The following SCAND3 variants were observed in gnomAD, a reference collection of about 807,000 sequenced individuals.
SCAND3 encodes SCAN domain containing 3.
chr6:28,604,066 C>A, the SCAND3 span, among the ~76,000 whole-genome samples: 1 of 152,208 alleles, frequency 6.6e-6, no homozygotes, highest in African/African-American at 2.4e-5. Flanking sequence ...AGTAGCACAG[C>A]ATCACTGCCA....
At chr6:28,572,896 T>A in the SCAND3 span, 23 of 1,613,942 alleles carry the variant, frequency 1.4e-5, no homozygotes, top group Non-Finnish European at 1.7e-5. This position sits in a 1 kb window ranked among gnomAD's most constrained non-coding sequence, Gnocchi z 4.1. Context: ...AATGAAGCAA[T>A]GTGTTGTTTT....
the SCAND3 span, chr6:28,571,804 ATAACTG>A: frequency 1.4e-6 from 2 of 1,408,464 alleles, no homozygotes; most frequent in East Asian, 2.6e-5. Flanking sequence ...TCATACTTCC[ATAACTG>A]TAACTAGACA....
At chr6:28,591,558 C>T in the SCAND3 span, 1 of 152,298 alleles carries the variant, frequency 6.6e-6, no homozygotes, top group South Asian at 2.1e-4. Context: ...ACCTCAAAAT[C>T]CTATCAAGTT....
the SCAND3 span, chr6:28,589,977 C>T: frequency 6.7e-6 from 1 of 149,442 alleles, no homozygotes; most frequent in Non-Finnish European, 1.5e-5. Context: ...CCCTGTACTT[C>T]TTAGTCTCTC....
the SCAND3 span, among the ~76,000 whole-genome samples, chr6:28,596,626 A>T: frequency 7.4e-6 from 1 of 135,084 alleles, no homozygotes; most frequent in Admixed American, 7.2e-5. Flanking sequence ...AAAAATATAT[A>T]TTTTTTTCTC....
the SCAND3 span, among the ~76,000 whole-genome samples, chr6:28,596,893 T>A: frequency 6.6e-6 from 1 of 152,190 alleles, no homozygotes; most frequent in Non-Finnish European, 1.5e-5. Context: ...AAAATTAGGC[T>A]GAAAATACCT....
the SCAND3 span, chr6:28,586,357 C>T: frequency 1.2e-6 from 2 of 1,614,058 alleles, no homozygotes; most frequent in Non-Finnish European, 1.7e-6. This position sits in a 1 kb window ranked among gnomAD's most constrained non-coding sequence, Gnocchi z 4.4. Context: ...ACCACCTCTT[C>T]TCCACTCTCA....
the SCAND3 span, chr6:28,572,940 C>T: frequency 1.9e-6 from 3 of 1,613,854 alleles, no homozygotes; most frequent in Non-Finnish European, 1.7e-6. This position sits in a 1 kb window ranked among gnomAD's most constrained non-coding sequence, Gnocchi z 4.1. Flanking sequence ...TCTGGGTTAC[C>T]ACTTCAGAAT....
chr6:28,609,202 G>T, the SCAND3 span, among the ~76,000 whole-genome samples: 3 of 152,148 alleles, frequency 2.0e-5, no homozygotes, highest in Admixed American at 6.5e-5. Flanking sequence ...TTAACTATTG[G>T]ATAGAATGGG....
At chr6:28,572,816 T>G in the SCAND3 span, 19 of 1,612,748 alleles carry the variant, frequency 1.2e-5, no homozygotes, top group African/African-American at 2.7e-5. The surrounding 1 kb of genome is among the most constrained non-coding windows in gnomAD (Gnocchi z 4.1). Context: ...TAATTCACAA[T>G]TTTTACTATA....
the SCAND3 span, among the ~76,000 whole-genome samples, chr6:28,607,605 T>C: frequency 6.6e-6 from 1 of 152,018 alleles, no homozygotes. Flanking sequence ...ACATATCTTA[T>C]TGATGTCTTT....
chr6:28,610,864 A>AAAATGG, the SCAND3 span, among the ~76,000 whole-genome samples: 1 of 152,224 alleles, frequency 6.6e-6, no homozygotes, highest in South Asian at 2.1e-4. Context: ...ATAGAAGGCA[A>AAAATGG]AAATGGAGAC....
At chr6:28,614,342 AT>A in the SCAND3 span, among the ~76,000 whole-genome samples, 3 of 152,164 alleles carry the variant, frequency 2.0e-5, no homozygotes, top group Non-Finnish European at 2.9e-5. Flanking sequence ...TTACTCTTAC[AT>A]TAGAGGTTAA....
At chr6:28,596,762 C>T in the SCAND3 span, among the ~76,000 whole-genome samples, 1 of 152,096 alleles carries the variant, frequency 6.6e-6, no homozygotes, top group African/African-American at 2.4e-5. Flanking sequence ...TCAGCTTTGT[C>T]ACATCTCTAA....
chr6:28,571,914 A>G, the SCAND3 span: 1 of 1,611,716 alleles, frequency 6.2e-7, no homozygotes, highest in African/African-American at 1.3e-5. Context: ...AAAGCTTTTA[A>G]TGTGATAAGT....
At chr6:28,609,914 A>T in the SCAND3 span, among the ~76,000 whole-genome samples, 1 of 152,200 alleles carries the variant, frequency 6.6e-6, no homozygotes, top group South Asian at 2.1e-4. Flanking sequence ...CTCCTGGACA[A>T]ACTGACCTTC....
the SCAND3 span, among the ~76,000 whole-genome samples, chr6:28,595,330 CAAAAAAAAAAAAAAAA>C: frequency 2.7e-5 from 1 of 37,330 alleles, no homozygotes; most frequent in Non-Finnish European, 5.3e-5. Flanking sequence ...AACCCAGTCT[CAAAAAAAAAAAAAAAA>C]AAAAAAAAAG....
the SCAND3 span, chr6:28,573,699 A>G: frequency 6.2e-7 from 1 of 1,610,444 alleles, no homozygotes; most frequent in Non-Finnish European, 8.5e-7. Flanking sequence ...TGAAACTAGC[A>G]TGAACTCTTT....
chr6:28,585,335 T>C, the SCAND3 span: 8 of 152,078 alleles, frequency 5.3e-5, no homozygotes, highest in Non-Finnish European at 7.4e-5. Context: ...TAGCAAAAAA[T>C]ACACAAAGAT....
Sources: gnomAD v4.1 joint callset for allele counts (sites outside exome capture counted in the v4.1 genomes callset) on GRCh38, gnomAD v4.1.1 for gene constraint, Gnocchi (gnomAD v3.1) non-coding constraint, MANE v1.5 for transcripts, NCBI Gene and HGNC (gene_info 2026-07-23, HGNC 2026-07-21) for gene names.